Variants in SPAG16 observed in about 807,000 individuals in gnomAD.
SPAG16 encodes the protein sperm-associated antigen 16 protein.
In SPAG16, 86 loss-of-function variants were observed where a neutral mutation model predicts 80.4. The observed-to-expected ratio is 1.07, with a 90% CI of 0.90 to 1.28. The LOEUF (loss-of-function observed/expected upper bound fraction) is 1.28. SPAG16 is among the 50% of genes most tolerant of loss of function. SPAG16 has a pLI of 0.00. For missense variants in SPAG16, 870 were observed against 765.3 expected (o/e 1.14, Z -1.61); for synonymous variants, 294 against 265.9 (o/e 1.11, Z -1.03).
At chr2:214,114,741 C>T (rs908810341) in intron 14 of SPAG16, among the ~76,000 whole-genome samples, 1 of 152,216 alleles carries the variant, frequency 6.6e-6, no homozygotes, top group African/African-American at 2.4e-5. Flanking sequence ...AAAGGGAAAT[C>T]CCCCAAACCC....
intron 9 of SPAG16, among the ~76,000 whole-genome samples, chr2:213,395,518 T>C (rs759538819): frequency 2.0e-5 from 3 of 152,182 alleles, no homozygotes; most frequent in South Asian, 4.1e-4. Flanking sequence ...TCCAGGTGTT[T>C]AGAGATTTTC....
intron 12 of SPAG16, among the ~76,000 whole-genome samples, chr2:213,968,842 C>T (rs16851170): frequency 0.043 from 6,515 of 152,226 alleles, 170 homozygotes; most frequent in South Asian, 0.1. Flanking sequence ...AATGGCAGAG[C>T]ATTATTCTAA....
chr2:214,259,953 G>T (rs1363269847), intron 15 of SPAG16, among the ~76,000 whole-genome samples: 1 of 152,102 alleles, frequency 6.6e-6, no homozygotes, highest in Non-Finnish European at 1.5e-5. Flanking sequence ...CTTTGTTAAA[G>T]AACTGCGCCA....
At chr2:214,231,061 C>T (rs1378131735) in intron 15 of SPAG16, among the ~76,000 whole-genome samples, 1 of 151,866 alleles carries the variant, frequency 6.6e-6, no homozygotes, top group Non-Finnish European at 1.5e-5. Context: ...ATTACAATCT[C>T]AGATGTTGTC....
intron 15 of SPAG16, among the ~76,000 whole-genome samples, chr2:214,351,252 C>CTG (rs975592072): frequency 5.3e-5 from 8 of 152,142 alleles, no homozygotes; most frequent in African/African-American, 1.9e-4. Flanking sequence ...ATATGTGTAT[C>CTG]TGTGTGTGTG....
At chr2:213,669,475 A>G (rs2063735719) in intron 10 of SPAG16, among the ~76,000 whole-genome samples, 2 of 152,244 alleles carry the variant, frequency 1.3e-5, no homozygotes, top group Non-Finnish European at 2.9e-5. Context: ...TTTCAGAAAT[A>G]TCCACAAATA....
At chr2:214,310,419 G>A (rs1695211815) in intron 15 of SPAG16, among the ~76,000 whole-genome samples, 1 of 152,192 alleles carries the variant, frequency 6.6e-6, no homozygotes, top group African/African-American at 2.4e-5. Flanking sequence ...GGAATACAGG[G>A]ATCTCAGGTA....
At chr2:213,702,751 CAA>C (rs561864594) in intron 10 of SPAG16, among the ~76,000 whole-genome samples, 26 of 152,216 alleles carry the variant, frequency 1.7e-4, no homozygotes, top group African/African-American at 4.6e-4. Context: ...ATTAAAATCT[CAA>C]AATGTATTTT....
At chr2:214,152,681 C>T (rs947428974) in intron 15 of SPAG16, among the ~76,000 whole-genome samples, 35 of 151,942 alleles carry the variant, frequency 2.3e-4, no homozygotes, top group African/African-American at 7.7e-4. Context: ...GTAGTGGCCC[C>T]GAATGTCTGG....
At chr2:213,367,543 A>G (rs2066378740) in intron 8 of SPAG16, among the ~76,000 whole-genome samples, 1 of 152,294 alleles carries the variant, frequency 6.6e-6, no homozygotes, top group Non-Finnish European at 1.5e-5. Flanking sequence ...GGCCAGTGTG[A>G]TGAGCATTTT....
chr2:213,912,425 A>G (rs2077718690), intron 11 of SPAG16, among the ~76,000 whole-genome samples: 1 of 152,226 alleles, frequency 6.6e-6, no homozygotes, highest in Non-Finnish European at 1.5e-5. Context: ...AATAATAAAA[A>G]TTAAACAAAT....
intron 15 of SPAG16, among the ~76,000 whole-genome samples, chr2:214,264,018 G>A (rs992044934): frequency 5.3e-5 from 8 of 152,040 alleles, no homozygotes; most frequent in African/African-American, 1.9e-4. Context: ...GCACAAAGTG[G>A]CATCTACCAG....
At chr2:213,434,194 A>G (rs556411118) in intron 9 of SPAG16, among the ~76,000 whole-genome samples, 69 of 152,238 alleles carry the variant, frequency 4.5e-4, no homozygotes, top group African/African-American at 1.6e-3. Context: ...TGCTGGGATT[A>G]CAGACATGAG....
At chr2:213,701,285 G>A (rs1044541460) in intron 10 of SPAG16, among the ~76,000 whole-genome samples, 3 of 152,184 alleles carry the variant, frequency 2.0e-5, no homozygotes, top group African/African-American at 7.2e-5. Context: ...CTTATAGGAA[G>A]GGGATACTAC....
intron 14 of SPAG16, among the ~76,000 whole-genome samples, chr2:214,130,413 G>T (rs1454820352): frequency 1.3e-5 from 2 of 152,178 alleles, no homozygotes; most frequent in Non-Finnish European, 2.9e-5. Context: ...CAGCCATGAA[G>T]ACTTCATTTT....
chr2:213,840,822 G>C (rs1228005695), intron 10 of SPAG16, among the ~76,000 whole-genome samples: 25 of 152,130 alleles, frequency 1.6e-4, no homozygotes, highest in Admixed American at 1.6e-3. Context: ...GAAAATTATA[G>C]TGTGTGTTAG....
intron 15 of SPAG16, among the ~76,000 whole-genome samples, chr2:214,385,885 A>AT (rs145163257): frequency 0.023 from 3,526 of 152,244 alleles, 116 homozygotes; most frequent in African/African-American, 0.08. Flanking sequence ...CTCTAAACTT[A>AT]TTTTTTGAGT....
intron 13 of SPAG16, among the ~76,000 whole-genome samples, chr2:214,041,452 C>CT (rs35019214): frequency 0.55 from 79,265 of 143,106 alleles, 22,949 homozygotes; most frequent in East Asian, 0.95. Context: ...GTAGTAGTTT[C>CT]TTTTTTTTTT....
At chr2:213,911,181 C>T (rs1435037474) in intron 11 of SPAG16, among the ~76,000 whole-genome samples, 1 of 152,200 alleles carries the variant, frequency 6.6e-6, no homozygotes, top group Admixed American at 6.5e-5. Flanking sequence ...CAGAGTCTCA[C>T]TCTGCCCAGG....
Sources: allele counts gnomAD v4.1 joint callset (sites outside exome capture counted in the v4.1 genomes callset), GRCh38; gene constraint gnomAD v4.1.1; transcripts MANE v1.5; gene names NCBI Gene and HGNC (gene_info 2026-07-23, HGNC 2026-07-21).